SEPTIN2: variants seen among roughly 807,000 people sequenced by gnomAD.
SEPTIN2 encodes the protein septin-2.
SEPTIN2 carries 34 observed loss-of-function variants against 46.5 expected under a neutral mutation model. The ratio of observed to expected loss-of-function variants is 0.73; its 90% confidence interval spans 0.56 to 0.97. The LOEUF (loss-of-function observed/expected upper bound fraction) is 0.97. SEPTIN2 is among the 50% of genes least tolerant of loss of function. SEPTIN2 has a pLI of 0.00. For missense variants in SEPTIN2, 347 were observed against 448.4 expected, an observed-to-expected ratio of 0.77 and a Z score of 2.04; for synonymous variants, 175 against 153.4, an observed-to-expected ratio of 1.14 and a Z score of -1.04.
rs769342794 is a variant in SEPTIN2, at chr2:241,337,666, A to G, written c.477-7A>G. 1.6e-5 allele frequency: 26 copies of G among 1,604,632 alleles called. No individual in the cohort carries two copies. Among genetic ancestry groups the G allele is most frequent in the Non-Finnish European group, 2.2e-5 (26 of 1,175,898 alleles). On this transcript the variant is annotated splice_region_variant and splice_polypyrimidine_tract_variant and intron_variant, in intron 6 of 12. Coordinates refer to ENST00000391971, the MANE Select transcript of SEPTIN2 (RefSeq NM_004404.5). ...TAAATAAGTGACAATTCTAAAATTA[A>G]TTTTAGACTTAAGCCCTTAGATGTG...
intron 9 of SEPTIN2, among the ~76,000 whole-genome samples, chr2:241,345,235 C>T (rs2081850537): frequency 6.6e-6 from 1 of 152,172 alleles, no homozygotes; most frequent in Non-Finnish European, 1.5e-5. Context: ...AAAGTCGCTA[C>T]ATATTTGCCG....
chr2:241,349,777 C>T (rs894991150), intron 11 of SEPTIN2, among the ~76,000 whole-genome samples: 8 of 152,092 alleles, frequency 5.3e-5, no homozygotes, highest in Admixed American at 1.3e-4. Context: ...GCCGAGATTG[C>T]GCCACTGCAC....
chr2:241,348,274 C>T (rs1428185873), intron 11 of SEPTIN2, 83 bp downstream of exon 11: 1 of 1,182,530 alleles, frequency 8.5e-7, no homozygotes, highest in Non-Finnish European at 1.2e-6. Flanking sequence ...ATTGCCCAGG[C>T]TGGAGTGCAG....
At chr2:241,348,320 C>T (rs534495052) in intron 11 of SEPTIN2, 129 bp downstream of exon 11, 123 of 534,136 alleles carry the variant, frequency 2.3e-4, no homozygotes, top group African/African-American at 1.8e-3. Flanking sequence ...CTCTGCCTCC[C>T]GGGTTCAAGT....
In SEPTIN2 at chr2:241,324,244, A is replaced by G; in HGVS notation, c.9+3A>G. On this transcript the variant is annotated splice_donor_region_variant and intron_variant, in intron 2 of 12. Transcript: ENST00000391971. Reference sequence around the variant, plus strand: ...AAGCTTCACAAAAGATGTCTAAGGTAAGATCATACTTCATGTATCTACAGC... The same window carrying G: ...AAGCTTCACAAAAGATGTCTAAGGTGAGATCATACTTCATGTATCTACAGC... The G allele has an allele frequency of 6.2e-7, 1 of 1,610,290 alleles. No homozygotes were observed. The highest frequency in any genetic ancestry group is 8.5e-7 in the Non-Finnish European group (1 of 1,178,550).
chr2:241,324,098 C>A, intron 1 of SEPTIN2, 118 bp from the exon 2 acceptor site: 1 of 872,900 alleles, frequency 1.1e-6, no homozygotes, highest in Non-Finnish European at 1.8e-6. Flanking sequence ...TTTCTTTTTA[C>A]ATTGCCTATG....
intron 1 of SEPTIN2, chr2:241,320,336 C>T: frequency 2.1e-6 from 1 of 470,780 alleles, no homozygotes; most frequent in Non-Finnish European, 4.4e-6. Flanking sequence ...GTCAGATTTT[C>T]CAGTTTTTGG....
intron 1 of SEPTIN2, among the ~76,000 whole-genome samples, chr2:241,318,728 G>A (rs1484910356): frequency 7.3e-6 from 1 of 137,102 alleles, no homozygotes; most frequent in African/African-American, 2.8e-5. Flanking sequence ...TTGAGACAAA[G>A]TCTTGCTCTG....
At chr2:241,336,211 C>A in intron 5 of SEPTIN2, 113 bp downstream of exon 5, 2 of 1,073,246 alleles carry the variant, frequency 1.9e-6, no homozygotes, top group South Asian at 1.7e-5. Flanking sequence ...TATAATAAAA[C>A]ACCTAGACAA....
intron 3 of SEPTIN2, among the ~76,000 whole-genome samples, chr2:241,326,726 G>A (rs943385161): frequency 2.1e-4 from 32 of 152,204 alleles, no homozygotes; most frequent in Non-Finnish European, 2.9e-4. Context: ...CACTCAAGCA[G>A]CCTTACAGGG....
intron 1 of SEPTIN2, among the ~76,000 whole-genome samples, chr2:241,319,804 G>A (rs2076885763): frequency 6.6e-6 from 1 of 152,070 alleles, no homozygotes; most frequent in East Asian, 1.9e-4. Flanking sequence ...ATGTTGTCCA[G>A]ACTGGTCTTG....
chr2:241,333,202 A>AT (rs2079302642), intron 3 of SEPTIN2, among the ~76,000 whole-genome samples: 1 of 152,208 alleles, frequency 6.6e-6, no homozygotes. Context: ...CAACTTTTAA[A>AT]TTGTAGTATT....
At chr2:241,349,662 A>G (rs2150220410) in intron 11 of SEPTIN2, among the ~76,000 whole-genome samples, 1 of 152,004 alleles carries the variant, frequency 6.6e-6, no homozygotes, top group East Asian at 1.9e-4. Context: ...CTCTACTGAA[A>G]ATACAAAAAT....
chr2:241,335,702 A>G, intron 4 of SEPTIN2: 1 of 569,286 alleles, frequency 1.8e-6, no homozygotes, highest in Non-Finnish European at 3.1e-6. Context: ...TTCAGTTTTT[A>G]AATGAATTCG....
At chr2:241,323,174 A>T (rs1198417027) in intron 1 of SEPTIN2, among the ~76,000 whole-genome samples, 11 of 140,660 alleles carry the variant, frequency 7.8e-5, no homozygotes, top group East Asian at 4.1e-4. Context: ...CCACCATCTA[A>T]TTTTTTTTTT....
At chr2:241,338,991 TA>T (rs560809479) in intron 7 of SEPTIN2, among the ~76,000 whole-genome samples, 2,615 of 112,670 alleles carry the variant, frequency 0.023, 83 homozygotes, top group African/African-American at 0.066. Flanking sequence ...AATATATTTA[TA>T]AATATATATA....
At chr2:241,339,703 G>A (rs76401496) in intron 7 of SEPTIN2, among the ~76,000 whole-genome samples, 3,989 of 152,006 alleles carry the variant, frequency 0.026, 405 homozygotes, top group Admixed American at 0.18. Context: ...CCCCTTGCTC[G>A]CTGCTTTTGC....
rs1194739492 is a variant in SEPTIN2, at chr2:241,338,929, ATATT to A, written c.594+1144_594+1147del. Among the ~76,000 whole-genome samples the A allele has an allele frequency of 1.0e-3, 103 of 99,430 alleles. No individual in the cohort carries two copies. The East Asian group carries it at 0.012, about 12-fold the overall frequency. 65.2% of individuals were successfully genotyped at this position (99,430 alleles called of 152,430 possible). A position where few individuals can be genotyped will look rare whatever the true frequency, so the allele number is the denominator to read the frequency against. ...ATATATAATATATATAATTGTACATATATTTATTATATATATTATATATATAATA... is the reference window on the plus strand; with the variant it reads ...ATATATAATATATATAATTGTACATATATTATATATATTATATATATAATA... On this transcript the variant is annotated intron_variant, in intron 7 of 12. Transcript: ENST00000391971.
chr2:241,341,753 A>G (rs1205634918), intron 7 of SEPTIN2, among the ~76,000 whole-genome samples: 1 of 152,168 alleles, frequency 6.6e-6, no homozygotes, highest in East Asian at 1.9e-4. Context: ...ATTCTTAAAA[A>G]CCAGAAAGCA....
Sources: gnomAD v4.1 joint callset for allele counts (sites outside exome capture counted in the v4.1 genomes callset) on GRCh38, gnomAD v4.1.1 for gene constraint, MANE v1.5 for transcripts, NCBI Gene and HGNC (gene_info 2026-07-23, HGNC 2026-07-21) for gene names.